The following PPP1R12C variants were observed in gnomAD, a reference collection of about 807,000 sequenced individuals.
PPP1R12C encodes the protein protein phosphatase 1 regulatory subunit 12C.
In PPP1R12C, 48 loss-of-function variants were observed where a neutral mutation model predicts 95.6. The ratio of observed to expected loss-of-function variants is 0.50; its 90% CI spans 0.40 to 0.64. PPP1R12C has a LOEUF of 0.64. PPP1R12C is among the 30% of genes least tolerant of loss of function. PPP1R12C has a pLI of 0.00. For missense variants in PPP1R12C, 1,057 were observed against 1,083.3 expected (o/e 0.98, Z 0.34); for synonymous variants, 480 against 460.8 (o/e 1.04, Z -0.53).
chr19:55,108,880 A>G (rs1018832369), intron 3 of PPP1R12C, among the ~76,000 whole-genome samples: 4 of 151,882 alleles, frequency 2.6e-5, no homozygotes, highest in African/African-American at 7.3e-5. Flanking sequence ...CTAATTTTGT[A>G]TTTTTAGTAG....
chr19:55,095,770 T>G, intron 9 of PPP1R12C, 97 bp downstream of exon 9: 1 of 1,532,710 alleles, frequency 6.5e-7, no homozygotes, highest in Non-Finnish European at 9.0e-7. Flanking sequence ...AACTATAGTC[T>G]TCCCCCTATC....
Position 55,096,152 on chromosome 19 carries a change from C to A in PPP1R12C, c.1052G>T (p.Arg351Leu). The A allele has an allele frequency of 6.2e-7, 1 of 1,601,824 alleles. No homozygotes were observed. Among genetic ancestry groups the A allele is most frequent in the Non-Finnish European group, 8.5e-7 (1 of 1,173,646 alleles). The part of the protein sequence containing the change: ...RRSSVCRLSS[R>L]EKISLQDLSK... Reference sequence around the variant, plus strand: ...CAAGTCCTGGAGGGAAATCTTCTCGCGACTGCTCAGACGACACACAGAGCT... The same window carrying A: ...CAAGTCCTGGAGGGAAATCTTCTCGAGACTGCTCAGACGACACACAGAGCT... The change falls in exon 8 of 22, where the codon CGC (arginine) becomes CTC (leucine). Residue 351 changes from arginine to leucine, a missense_variant. Transcript: ENST00000263433.
At position 55,091,234 on chromosome 19, in the gene PPP1R12C, G is replaced by A. The variant is rs570991987; in HGVS notation, c.*238C>T. 7 of 572,670 alleles carry A rather than the reference G, an allele frequency of 1.2e-5. No individual in the cohort carries two copies. Among genetic ancestry groups the A allele is most frequent in the African/African-American group, 9.4e-5 (5 of 53,244 alleles). The allele number at this position is 572,670 out of a possible 1,614,324, so 35.5% of individuals were successfully genotyped here. On this transcript the variant is annotated 3_prime_UTR_variant, in exon 22 of 22. Coordinates refer to ENST00000263433, the MANE Select transcript of PPP1R12C (RefSeq NM_017607.4). ...CAGTTCCTTCCTGGTCCCGTCTCTG[G>A]CCCTGGTCCCCTCTGGCAACGTCCC...
intron 6 of PPP1R12C, among the ~76,000 whole-genome samples, chr19:55,097,801 G>GCTGGT (rs1303255578): frequency 6.6e-6 from 1 of 152,126 alleles, no homozygotes; most frequent in African/African-American, 2.4e-5. Flanking sequence ...ATGCTCCCAG[G>GCTGGT]CTGGTCTCCC....
chr19:55,117,127 G>A, intron 1 of PPP1R12C, 96 bp downstream of exon 1: 1 of 1,053,282 alleles, frequency 9.5e-7, no homozygotes, highest in South Asian at 4.6e-5. Context: ...GGAACGACGG[G>A]GCGGATCGAG....
chr19:55,091,611 C>CCCCCCCCG, intron 21 of PPP1R12C, 39 bp downstream of exon 21: 2 of 1,595,832 alleles, frequency 1.3e-6, no homozygotes, highest in South Asian at 1.1e-5. Flanking sequence ...CACCCCCACC[C>CCCCCCCCG]ACCCTCGGCC....
intron 3 of PPP1R12C, among the ~76,000 whole-genome samples, chr19:55,108,819 G>A (rs530052588): frequency 6.6e-6 from 1 of 152,128 alleles, no homozygotes; most frequent in African/African-American, 2.4e-5. Flanking sequence ...TGATTCTCCC[G>A]CCTCAGCCTC....
At chr19:55,099,987 GT>G (rs1438982931) in intron 4 of PPP1R12C, among the ~76,000 whole-genome samples, 2 of 152,132 alleles carry the variant, frequency 1.3e-5, no homozygotes, top group African/African-American at 4.8e-5. Flanking sequence ...CCTCTCTCTG[GT>G]CCCGCCCACC....
intron 4 of PPP1R12C, among the ~76,000 whole-genome samples, chr19:55,102,495 G>C (rs1177459723): frequency 1.3e-5 from 2 of 152,192 alleles, no homozygotes; most frequent in African/African-American, 2.4e-5. Context: ...CTAGGTGACA[G>C]AGCGAGACTC....
chr19:55,108,474 T>A (rs537177691), intron 3 of PPP1R12C, among the ~76,000 whole-genome samples: 96 of 152,102 alleles, frequency 6.3e-4, no homozygotes, highest in African/African-American at 2.2e-3. Context: ...ACAAAAAATA[T>A]AAAAATCATT....
Position 55,094,776 on chromosome 19 carries a change from G to A in PPP1R12C, c.1477C>T (p.Pro493Ser). The A allele has an allele frequency of 6.2e-7, 1 of 1,601,680 alleles. No individual in the cohort carries two copies. Among genetic ancestry groups the A allele is most frequent in the Non-Finnish European group, 8.5e-7 (1 of 1,175,878 alleles). The change falls in exon 12 of 22, where the codon CCT (proline) becomes TCT (serine). Residue 493 changes from proline (P) to serine (S), a missense_variant. This residue lies in a region of PPP1R12C where 356 missense variants were observed against 330.5 expected (regional missense o/e 1.08). Transcript: ENST00000263433. ...SVLSEVTKPP[P>S]CLENSSPPSR... ...GGAGGCGAGGAGTTCTCCAAGCAAG[G>A]AGGAGGCTTGGTGACCTCAGACCTG...
Position 55,091,553 on chromosome 19 carries a change from C to T in PPP1R12C, c.2268G>A (p.Leu756=), listed in dbSNP as rs2084839784. 1.9e-6 allele frequency: 3 copies of T among 1,613,698 alleles called. No individual in the cohort carries two copies. The highest frequency in any genetic ancestry group is 2.5e-6 in the Non-Finnish European group (3 of 1,179,950). Residue 756 remains leucine, a synonymous_variant, in exon 22 of 22, where the codon CTG becomes CTA. Coordinates refer to ENST00000263433, the MANE Select transcript of PPP1R12C (RefSeq NM_017607.4). ...AAELEEELKA[L]SDLRADNQRL... is the part of the protein sequence containing the mutation. ...GCTGGTTGTCAGCGCGGAGGTCAGA[C>T]AGGGCCTGGGGGACGGCAAGGGTCA...
In PPP1R12C at chr19:55,095,559, C is replaced by T. The variant is rs1231212386; in HGVS notation, c.1272G>A (p.Lys424=). 13 of 1,589,296 alleles carry T rather than the reference C, an allele frequency of 8.2e-6. No individual in the cohort carries two copies. The highest frequency in any genetic ancestry group is 1.4e-5 in the African/African-American group (1 of 74,044). ...GACCCAGGGCACCAGAACTCCCTGTCTTCAGGAGGCCAAAGCGCCTGGAGA... is the reference window on the plus strand; with the variant it reads ...GACCCAGGGCACCAGAACTCCCTGTTTTCAGGAGGCCAAAGCGCCTGGAGA... ...APFSRRFGLL[K]TGSSGALGPP... The change falls in exon 10 of 22, where the codon AAG becomes AAA. Residue 424 remains lysine (K), a synonymous_variant. Transcript: ENST00000263433.
intron 3 of PPP1R12C, among the ~76,000 whole-genome samples, chr19:55,104,435 G>A (rs533741693): frequency 3.2e-4 from 48 of 151,736 alleles, no homozygotes; most frequent in African/African-American, 1.1e-3. Context: ...TGGCACAACG[G>A]CTCATGCCTG....
chr19:55,095,581 G>A lies in PPP1R12C; in HGVS notation c.1250C>T (p.Ser417Phe). 6.3e-7 allele frequency: 1 copy of A among 1,574,974 alleles called. No homozygotes were observed. Among genetic ancestry groups the A allele is most frequent in the Non-Finnish European group, 8.6e-7 (1 of 1,164,598 alleles). The change falls in exon 10 of 22, where the codon TCC becomes TTC. Residue 417 changes from serine (S) to phenylalanine (F), a missense_variant. By Grantham distance (155) the Ser-to-Phe change is radical (BLOSUM62 -2). Around this residue, in one of 5 missense-constraint regions of PPP1R12C, gnomAD observed 356 missense variants for 330.5 expected, o/e 1.08. Coordinates refer to ENST00000263433, the MANE Select transcript of PPP1R12C (RefSeq NM_017607.4). ...SPVQLEEAPFSRRFGLLKTGS... is the reference protein window; with the variant it reads ...SPVQLEEAPFFRRFGLLKTGS... ...TGTCTTCAGGAGGCCAAAGCGCCTG[G>A]AGAAGGGGGCCTCTTCAAGCTGCTG...
intron 4 of PPP1R12C, among the ~76,000 whole-genome samples, chr19:55,100,404 G>A (rs1427067044): frequency 6.6e-6 from 1 of 152,246 alleles, no homozygotes; most frequent in South Asian, 2.1e-4. Flanking sequence ...TGCATGGGAC[G>A]GCCCCGCAGC....
intron 17 of PPP1R12C, 32 bp downstream of exon 17, chr19:55,092,590 C>G (rs1165266762): frequency 1.9e-6 from 3 of 1,552,492 alleles, no homozygotes; most frequent in Non-Finnish European, 2.6e-6. Flanking sequence ...CCGGCCCGCA[C>G]GCAGACCCCA....
At position 55,091,765 on chromosome 19, in the gene PPP1R12C, C is replaced by T. The variant is rs1301891026; in HGVS notation, c.2212-65G>A. The T allele has an allele frequency of 3.1e-6, 5 of 1,612,086 alleles. No homozygotes were observed. The South Asian group carries it at 4.4e-5, about 14-fold the overall frequency. On this transcript the variant is annotated intron_variant, in intron 20 of 21. Coordinates refer to ENST00000263433, the MANE Select transcript of PPP1R12C (RefSeq NM_017607.4). ...GAGGAGGGCAGGGGAAGGCCAGGGGCCAGCTGGGAAGGGCAATGTGGCTCC... is the reference window on the plus strand; with the variant it reads ...GAGGAGGGCAGGGGAAGGCCAGGGGTCAGCTGGGAAGGGCAATGTGGCTCC...
intron 1 of PPP1R12C, 168 bp from the exon 2 acceptor site, chr19:55,112,963 GC>G: frequency 2.1e-6 from 2 of 964,104 alleles, no homozygotes; most frequent in Non-Finnish European, 1.5e-6. Flanking sequence ...ACGCCTGGTT[GC>G]CCAGTGGTCA....
Sources: gnomAD v4.1 joint callset for allele counts (sites outside exome capture counted in the v4.1 genomes callset) on GRCh38, gnomAD v4.1.1 for gene constraint, gnomAD v4.1.1 regional missense constraint, MANE v1.5 for transcripts, NCBI Gene and HGNC (gene_info 2026-07-23, HGNC 2026-07-21) for gene names.